The following CPNE4 variants were observed in gnomAD, a reference collection of about 807,000 sequenced individuals.
The protein encoded by CPNE4 is copine 4, also known as copine-4.
In CPNE4, 25 loss-of-function variants were observed where a neutral mutation model predicts 67.9. The ratio of observed to expected loss-of-function variants is 0.37; its 90% confidence interval spans 0.27 to 0.51. CPNE4 has a LOEUF of 0.51. Ranked by LOEUF, CPNE4 falls within the 20% of genes least tolerant of loss-of-function variation. The pLI, the probability that CPNE4 is intolerant of heterozygous loss-of-function variation, is 0.93. For synonymous variants in CPNE4, 242 were observed against 244.9 expected (o/e 0.99, Z 0.11); for missense variants, 464 against 690.8 (o/e 0.67, Z 3.68).
rs143850292 is a variant in CPNE4 at position 131,723,641 on chromosome 3, G to C, written c.181-16C>G. On this transcript the variant is annotated splice_polypyrimidine_tract_variant and intron_variant, in intron 2 of 15. Transcript: ENST00000429747. ...TCCTGTCAACCTGCAAGGAGAAAGAGAAAACCTATCAGAGATAAGGATTAT... is the reference window on the plus strand; with the variant it reads ...TCCTGTCAACCTGCAAGGAGAAAGACAAAACCTATCAGAGATAAGGATTAT... 1.4e-5 allele frequency: 22 copies of C among 1,602,818 alleles called. No individual in the cohort carries two copies. In the African/African-American group the frequency reaches 2.7e-4, roughly 20 times the overall value.
chr3:131,656,304 G>A (rs62283180), intron 7 of CPNE4, among the ~76,000 whole-genome samples: 2 of 152,178 alleles, frequency 1.3e-5, no homozygotes, highest in Non-Finnish European at 2.9e-5. Flanking sequence ...CTTCCATGAT[G>A]AATGTAGACT....
chr3:131,906,793 G>T (rs71315624), intron 1 of CPNE4, among the ~76,000 whole-genome samples: 28,360 of 151,388 alleles, frequency 0.19, 3,423 homozygotes, highest in South Asian at 0.32. Flanking sequence ...GGGTCAAATG[G>T]TATTTCCAGT....
At chr3:131,620,359 T>A (rs1175707003) in intron 7 of CPNE4, 1 of 635,974 alleles carries the variant, frequency 1.6e-6, no homozygotes, top group South Asian at 7.0e-5. Flanking sequence ...TTAAAGGTTT[T>A]AAATTGACAA....
At chr3:131,601,073 A>AG (rs1289222108) in intron 7 of CPNE4, among the ~76,000 whole-genome samples, 1 of 152,090 alleles carries the variant, frequency 6.6e-6, no homozygotes, top group African/African-American at 2.4e-5. Flanking sequence ...GGAACTTGGT[A>AG]GTGCTCTGGT....
intron 2 of CPNE4, among the ~76,000 whole-genome samples, chr3:131,891,421 T>G (rs1583411855): frequency 1.7e-5 from 2 of 117,910 alleles, no homozygotes; most frequent in African/African-American, 3.6e-5. Context: ...AAGCTACGAG[T>G]TTTTTTTTTA....
At chr3:131,826,708 C>A (rs2085174304) in intron 2 of CPNE4, among the ~76,000 whole-genome samples, 1 of 152,116 alleles carries the variant, frequency 6.6e-6, no homozygotes, top group Admixed American at 6.6e-5. Context: ...CAGAAATCCT[C>A]TTATAGGATT....
intron 7 of CPNE4, among the ~76,000 whole-genome samples, chr3:131,665,268 C>G (rs1391364983): frequency 1.3e-5 from 2 of 151,974 alleles, no homozygotes; most frequent in African/African-American, 4.8e-5. Context: ...ATGAATAAGA[C>G]AAGGAGGCCC....
At chr3:131,850,267 C>T (rs1445867726) in intron 2 of CPNE4, among the ~76,000 whole-genome samples, 2 of 152,032 alleles carry the variant, frequency 1.3e-5, no homozygotes, top group African/African-American at 2.4e-5. Flanking sequence ...GTTATGACAT[C>T]TCCAGAAAAA....
intron 2 of CPNE4, among the ~76,000 whole-genome samples, chr3:131,748,999 TG>T (rs1201745037): frequency 5.3e-5 from 8 of 152,134 alleles, no homozygotes; most frequent in Non-Finnish European, 1.0e-4. Flanking sequence ...TCTTTCTTCT[TG>T]CTTTTGATTT....
At chr3:131,702,853 C>T (rs2081334858) in intron 3 of CPNE4, among the ~76,000 whole-genome samples, 1 of 152,184 alleles carries the variant, frequency 6.6e-6, no homozygotes, top group Non-Finnish European at 1.5e-5. Context: ...TTGCCTTTTG[C>T]AAATGCTAGG....
intron 2 of CPNE4, among the ~76,000 whole-genome samples, chr3:131,844,435 G>A (rs1016162898): frequency 2.0e-5 from 3 of 151,770 alleles, no homozygotes; most frequent in African/African-American, 7.3e-5. Context: ...CCTGGCTAAT[G>A]TTTGTATTTT....
At position 131,912,732 on chromosome 3, in the gene CPNE4, G is replaced by A. The variant is rs543844495; in HGVS notation, c.-1-7288C>T. On this transcript the variant is annotated intron_variant, in intron 1 of 15. Coordinates refer to ENST00000429747, the MANE Select transcript of CPNE4 (RefSeq NM_130808.3). Reference sequence around the variant, plus strand: ...CACTGTAAGAGATGGAGGCATAAATGAGATAGTCCACCTGCCTGAAGTTTC... The same window carrying A: ...CACTGTAAGAGATGGAGGCATAAATAAGATAGTCCACCTGCCTGAAGTTTC... Among the ~76,000 whole-genome samples, 10 of 152,264 alleles carry A rather than the reference G, an allele frequency of 6.6e-5. No homozygotes were observed. The South Asian group carries it at 1.9e-3, about 28-fold the overall frequency.
intron 2 of CPNE4, among the ~76,000 whole-genome samples, chr3:131,852,300 T>C (rs955025321): frequency 6.6e-6 from 1 of 151,968 alleles, no homozygotes; most frequent in Non-Finnish European, 1.5e-5. Context: ...AACCCATCAA[T>C]ATACAAGAAG....
Position 131,534,437 on chromosome 3 carries a change from C to T in CPNE4, c.*758G>A, listed in dbSNP as rs936338847. 1 of 152,172 alleles carries T rather than the reference C, an allele frequency of 6.6e-6. No individual in the cohort carries two copies. 9.4% of individuals were successfully genotyped at this position (152,172 alleles called of 1,614,324 possible). On this transcript the variant is annotated 3_prime_UTR_variant, in exon 16 of 16. Transcript: ENST00000429747. ...ACACCCTAAAGTCTAGATCCTCACT[C>T]CTCTTGGTATAGTCCAGGGACTGCA...
In CPNE4 at chr3:131,822,165, A is replaced by T. The variant is rs1044356835; in HGVS notation, c.180+83099T>A. Among the ~76,000 whole-genome samples the T allele has an allele frequency of 4.6e-5, 7 of 152,224 alleles. No homozygotes were observed. The East Asian group carries it at 7.7e-4, about 17-fold the overall frequency. On this transcript the variant is annotated intron_variant, in intron 2 of 15. Coordinates refer to ENST00000429747, the MANE Select transcript of CPNE4 (RefSeq NM_130808.3). ...GCAAGGGCCAACTGTGTACAATAAAATTTTTTTTCAAGTTTGAAACTAAAT... is the reference window on the plus strand; with the variant it reads ...GCAAGGGCCAACTGTGTACAATAAATTTTTTTTTCAAGTTTGAAACTAAAT...
intron 1 of CPNE4, among the ~76,000 whole-genome samples, chr3:131,944,101 G>A (rs918673924): frequency 2.6e-5 from 4 of 152,018 alleles, no homozygotes; most frequent in Admixed American, 6.6e-5. Flanking sequence ...GCACCTAGCC[G>A]TCATCAGCAC....
At position 132,006,645 on chromosome 3, in the gene CPNE4, C is replaced by T. The variant is rs377143620; in HGVS notation, c.-2+27922G>A. On this transcript the variant is annotated intron_variant, in intron 1 of 15. Transcript: ENST00000429747. ...AATATTTCTTTAACCTGACATAAAC[C>T]TTTCTTTCCATTTTTTTTTGTTGTT... Among the ~76,000 whole-genome samples, 845 of 110,902 alleles carry T rather than the reference C, an allele frequency of 7.6e-3. 5 individuals carry two copies. Among genetic ancestry groups the T allele is most frequent in the Non-Finnish European group, 0.01 (603 of 57,966 alleles). 72.8% of individuals were successfully genotyped at this position (110,902 alleles called of 152,430 possible).
intron 1 of CPNE4, among the ~76,000 whole-genome samples, chr3:132,007,877 C>T (rs180738140): frequency 6.6e-6 from 1 of 152,306 alleles, no homozygotes; most frequent in East Asian, 1.9e-4. Context: ...TCACTGCACC[C>T]GTCTTCCCTA....
intron 1 of CPNE4, among the ~76,000 whole-genome samples, chr3:131,984,088 G>A (rs1479412776): frequency 1.3e-5 from 2 of 152,096 alleles, no homozygotes; most frequent in Non-Finnish European, 2.9e-5. Flanking sequence ...TCAAAGCATT[G>A]TTCCATGTGC....
Sources: allele counts gnomAD v4.1 joint callset (sites outside exome capture counted in the v4.1 genomes callset), GRCh38; gene constraint gnomAD v4.1.1; transcripts MANE v1.5; gene names NCBI Gene and HGNC (gene_info 2026-07-23, HGNC 2026-07-21).